The following SH3PXD2A variants were observed in gnomAD, a reference collection of about 807,000 sequenced individuals.
SH3PXD2A encodes SH3 and PX domain-containing protein 2A.
SH3PXD2A carries 32 observed loss-of-function variants against 115.2 expected under a neutral mutation model. The observed-to-expected ratio is 0.28, with a 90% CI of 0.21 to 0.37. The LOEUF (loss-of-function observed/expected upper bound fraction) is 0.37, where lower values mean the gene tolerates loss of function less well. Ranked by LOEUF, SH3PXD2A falls within the 10% of genes least tolerant of loss-of-function variation. The pLI is 1.00. For synonymous variants in SH3PXD2A, 610 were observed against 629.1 expected (o/e 0.97, Z 0.45); for missense variants, 1,328 against 1,498.7 (o/e 0.89, Z 1.88).
intron 8 of SH3PXD2A, among the ~76,000 whole-genome samples, chr10:103,660,763 G>C (rs2037283789): frequency 6.6e-6 from 1 of 152,208 alleles, no homozygotes; most frequent in South Asian, 2.1e-4. Context: ...ACACAGGCTG[G>C]TTAATTACCC....
chr10:103,686,765 T>TTTTTTA (rs2037683823), intron 6 of SH3PXD2A, among the ~76,000 whole-genome samples: 1 of 150,364 alleles, frequency 6.7e-6, no homozygotes, highest in Non-Finnish European at 1.5e-5. Context: ...TTTTTTTTTT[T>TTTTTTA]GAGACAGAGC....
At chr10:103,717,001 C>T (rs560701652) in intron 5 of SH3PXD2A, among the ~76,000 whole-genome samples, 11 of 152,222 alleles carry the variant, frequency 7.2e-5, no homozygotes, top group African/African-American at 1.7e-4. Flanking sequence ...GTGCTGACAC[C>T]GTGCCAGGTT....
At chr10:103,762,689 G>A (rs913923923) in intron 3 of SH3PXD2A, among the ~76,000 whole-genome samples, 4 of 152,302 alleles carry the variant, frequency 2.6e-5, no homozygotes, top group African/African-American at 9.6e-5. Context: ...ATAAAGGCTG[G>A]TGGTCCCAGA....
At chr10:103,637,126 A>G (rs916719050) in intron 8 of SH3PXD2A, among the ~76,000 whole-genome samples, 1 of 152,168 alleles carries the variant, frequency 6.6e-6, no homozygotes, top group Non-Finnish European at 1.5e-5. Context: ...AACAACACGC[A>G]TCCGGGACTC....
rs549575709 is a variant in SH3PXD2A, at chr10:103,756,459, C to T, written c.229+10635G>A. On this transcript the variant is annotated intron_variant, in intron 3 of 14. Coordinates refer to ENST00000369774, the MANE Select transcript of SH3PXD2A (RefSeq NM_001394015.1). This position sits in a 1 kb window ranked among gnomAD's most constrained non-coding sequence, Gnocchi z 4.4. Reference sequence around the variant, plus strand: ...AGTGTTCCCCTCCACCACCATCACCCGCTGCTGCCACTCCCGAGCCCTCAG... The same window carrying T: ...AGTGTTCCCCTCCACCACCATCACCTGCTGCTGCCACTCCCGAGCCCTCAG... Among the ~76,000 whole-genome samples, 130 of 152,254 alleles carry T rather than the reference C, an allele frequency of 8.5e-4. No individual in the cohort carries two copies. Among genetic ancestry groups the T allele is most frequent in the Non-Finnish European group, 1.6e-3 (112 of 68,008 alleles).
In SH3PXD2A at chr10:103,603,623, T is replaced by C. The variant is rs774359387; in HGVS notation, c.1595A>G (p.Lys532Arg). ...VPPPAPPSKP[K>R]EAEEGPTGAS... ...CCCCGTAGGGCCCTCCTCGGCCTCC[T>C]TGGGCTTGCTGGGGGGTGCTGGCGG... The change falls in exon 15 of 15, where the codon AAG (lysine) becomes AGG (arginine). Residue 532 changes from lysine (K) to arginine (R), a missense_variant. By Grantham distance (26) the Lys-to-Arg change is conservative (BLOSUM62 2). This residue lies in a region of SH3PXD2A where 509 missense variants were observed against 628.3 expected (regional missense o/e 0.81). Transcript: ENST00000369774. 2 of 1,604,744 alleles carry C rather than the reference T, an allele frequency of 1.2e-6. No homozygotes were observed. Among genetic ancestry groups the C allele is most frequent in the African/African-American group, 1.3e-5 (1 of 74,876 alleles).
At chr10:103,736,638 C>T (rs2038383899) in intron 3 of SH3PXD2A, 1 of 612,210 alleles carries the variant, frequency 1.6e-6, no homozygotes, top group African/African-American at 1.9e-5. Context: ...CCTTGATTGG[C>T]TGAGCTGGGA....
At chr10:103,734,390 T>A (rs1347959263) in intron 4 of SH3PXD2A, among the ~76,000 whole-genome samples, 2 of 152,204 alleles carry the variant, frequency 1.3e-5, no homozygotes, top group Non-Finnish European at 2.9e-5. Context: ...TTTTTTTTTT[T>A]ATTTGCTTTT....
rs747139042 is a variant in SH3PXD2A at position 103,594,321 on chromosome 10, T to C, written c.*7495A>G. Reference sequence around the variant, plus strand: ...GATAGTTTAGCACCACCATTGATTCTGGAAATATTTCAGCACTCAAATCGA... The same window carrying C: ...GATAGTTTAGCACCACCATTGATTCCGGAAATATTTCAGCACTCAAATCGA... On this transcript the variant is annotated 3_prime_UTR_variant, in exon 15 of 15. Transcript: ENST00000369774. The C allele has an allele frequency of 3.9e-5, 6 of 152,674 alleles. No individual in the cohort carries two copies. The highest frequency in any genetic ancestry group is 7.3e-5 in the Non-Finnish European group (5 of 68,050). The allele number at this position is 152,674 out of a possible 1,614,324, so 9.5% of individuals were successfully genotyped here. A position where few individuals can be genotyped will look rare whatever the true frequency, so the allele number is the denominator to read the frequency against.
chr10:103,621,631 C>G (rs533282537), intron 10 of SH3PXD2A, among the ~76,000 whole-genome samples: 2 of 152,254 alleles, frequency 1.3e-5, no homozygotes, highest in Non-Finnish European at 2.9e-5. Flanking sequence ...AGCACACACA[C>G]CCTGCTCCAT....
intron 8 of SH3PXD2A, among the ~76,000 whole-genome samples, chr10:103,633,160 G>A (rs1294980501): frequency 6.6e-6 from 1 of 152,238 alleles, no homozygotes; most frequent in Non-Finnish European, 1.5e-5. Context: ...GCTCAAGCCT[G>A]TAATCCCAGC....
Position 103,602,445 on chromosome 10 carries a change from T to C in SH3PXD2A, c.2773A>G (p.Ser925Gly). The change falls in exon 15 of 15, where the codon AGC becomes GGC. Residue 925 changes from serine to glycine, a missense_variant. Ser to Gly is a moderately conservative substitution (Grantham distance 56). Coordinates refer to ENST00000369774, the MANE Select transcript of SH3PXD2A (RefSeq NM_001394015.1). ...KGRQNEGKSD[S>G]LEKIERRVQA... is the part of the protein sequence containing the mutation. ...ACGCGCCTCTCGATCTTCTCCAGGC[T>C]GTCTGATTTGCCTTCGTTCTGCCTG... 2 of 1,614,156 alleles carry C rather than the reference T, an allele frequency of 1.2e-6. No individual in the cohort carries two copies. The highest frequency in any genetic ancestry group is 1.7e-6 in the Non-Finnish European group (2 of 1,180,006).
chr10:103,831,749 A>G (rs766866530), intron 1 of SH3PXD2A, among the ~76,000 whole-genome samples: 3 of 152,202 alleles, frequency 2.0e-5, no homozygotes, highest in African/African-American at 2.4e-5. Flanking sequence ...CATCACCACT[A>G]TCTAATTCCA....
At chr10:103,671,014 C>A (rs1261204874) in intron 6 of SH3PXD2A, among the ~76,000 whole-genome samples, 2 of 152,274 alleles carry the variant, frequency 1.3e-5, no homozygotes, top group Admixed American at 6.5e-5. Flanking sequence ...CCAGCGCCAT[C>A]TGGCCCTCTC....
chr10:103,782,868 T>G (rs1021056900), intron 2 of SH3PXD2A, among the ~76,000 whole-genome samples: 2 of 137,180 alleles, frequency 1.5e-5, no homozygotes, highest in East Asian at 2.1e-4. Context: ...CAGGTTGTAA[T>G]AAGTGTTTTG....
At chr10:103,791,392 C>T (rs1023017044) in intron 2 of SH3PXD2A, among the ~76,000 whole-genome samples, 1 of 152,194 alleles carries the variant, frequency 6.6e-6, no homozygotes, top group Non-Finnish European at 1.5e-5. Flanking sequence ...GCTCACAGAG[C>T]GAGTCCTCAA....
intron 6 of SH3PXD2A, among the ~76,000 whole-genome samples, chr10:103,685,330 T>A (rs2037663364): frequency 2.9e-5 from 3 of 102,314 alleles, no homozygotes; most frequent in Admixed American, 1.3e-4. Context: ...ACAGCAAAAC[T>A]CTGTCTCAAA....
At chr10:103,806,085 A>G (rs1340861694) in intron 1 of SH3PXD2A, among the ~76,000 whole-genome samples, 1 of 152,162 alleles carries the variant, frequency 6.6e-6, no homozygotes, top group African/African-American at 2.4e-5. Flanking sequence ...TCCTGCTAAC[A>G]TCTTGCACCC....
At chr10:103,790,627 C>T (rs147597011) in intron 2 of SH3PXD2A, among the ~76,000 whole-genome samples, 6 of 152,190 alleles carry the variant, frequency 3.9e-5, no homozygotes, top group Admixed American at 2.6e-4. Context: ...GATCAGAGGG[C>T]GGCCAGTTAG....
Sources: allele counts gnomAD v4.1 joint callset (sites outside exome capture counted in the v4.1 genomes callset), GRCh38; gene constraint gnomAD v4.1.1; regional missense constraint gnomAD v4.1.1; non-coding constraint Gnocchi (gnomAD v3.1); transcripts MANE v1.5; gene names NCBI Gene and HGNC (gene_info 2026-07-23, HGNC 2026-07-21).